MCPH1: variants seen among roughly 807,000 people sequenced by gnomAD.
MCPH1 encodes the protein microcephalin 1.
MCPH1 carries 104 observed loss-of-function variants against 84.5 expected under a neutral mutation model. That is an observed-to-expected ratio of 1.23 (90% CI 1.05 to 1.45). The LOEUF (loss-of-function observed/expected upper bound fraction) is 1.45, where lower values mean the gene tolerates loss of function less well. Ranked by LOEUF, MCPH1 falls within the 40% of genes most tolerant of loss-of-function variation. The probability of loss-of-function intolerance (pLI) is 0.00; values close to 1 mark genes in which losing one functional copy is unlikely to be tolerated. For missense variants in MCPH1, 1,498 were observed against 1,005.7 expected (o/e 1.49, Z -6.62); for synonymous variants, 514 against 366.8 (o/e 1.40, Z -4.58).
chr8:6,418,384 T>A (rs1342916270), intron 3 of MCPH1, among the ~76,000 whole-genome samples: 6 of 152,178 alleles, frequency 3.9e-5, no homozygotes, highest in Non-Finnish European at 8.8e-5. Flanking sequence ...AGCTCTCACA[T>A]AGTTGGTTTA....
At chr8:6,470,866 G>GT (rs1427228412) in intron 9 of MCPH1, among the ~76,000 whole-genome samples, 1 of 152,228 alleles carries the variant, frequency 6.6e-6, no homozygotes, top group African/African-American at 2.4e-5. Context: ...GAGAAAAGTA[G>GT]TGTTGCTGCT....
intron 9 of MCPH1, among the ~76,000 whole-genome samples, chr8:6,458,038 A>C (rs910713373): frequency 2.6e-5 from 4 of 152,212 alleles, no homozygotes; most frequent in African/African-American, 9.6e-5. Context: ...AATGCAAAGC[A>C]GAGTTTGGAA....
chr8:6,473,490 C>T (rs972585085), intron 9 of MCPH1, among the ~76,000 whole-genome samples: 3 of 151,956 alleles, frequency 2.0e-5, no homozygotes, highest in Non-Finnish European at 4.4e-5. Context: ...CACCACCATG[C>T]CCGGCTAATT....
chr8:6,626,582 A>G, intron 13 of MCPH1: 1 of 985,078 alleles, frequency 1.0e-6, no homozygotes, highest in Non-Finnish European at 1.2e-6. Flanking sequence ...AGGAAATAAA[A>G]TGTTACCTTT....
At chr8:6,600,319 C>G (rs1829257789) in intron 12 of MCPH1, among the ~76,000 whole-genome samples, 1 of 152,242 alleles carries the variant, frequency 6.6e-6, no homozygotes, top group African/African-American at 2.4e-5. Context: ...GGATGCCAGA[C>G]CTTCTCTAGC....
chr8:6,609,823 C>CCCCCCA (rs1554476355), intron 12 of MCPH1, among the ~76,000 whole-genome samples: 1 of 126,494 alleles, frequency 7.9e-6, no homozygotes, highest in African/African-American at 2.7e-5. Context: ...CCCCCCGCCC[C>CCCCCCA]CCCCCCACAC....
intron 12 of MCPH1, among the ~76,000 whole-genome samples, chr8:6,566,646 GC>G: frequency 6.6e-6 from 1 of 151,892 alleles, no homozygotes; most frequent in East Asian, 1.9e-4. Flanking sequence ...CATGGATAGT[GC>G]ATGTGGTGCG....
chr8:6,499,950 C>T lies in MCPH1; in HGVS notation c.2214+21C>T, dbSNP rs191315800. 44 of 1,600,344 alleles carry T rather than the reference C, an allele frequency of 2.7e-5. No individual in the cohort carries two copies. The East Asian group carries it at 8.3e-4, about 30-fold the overall frequency. On this transcript the variant is annotated intron_variant, in intron 12 of 13. Coordinates refer to ENST00000344683, the MANE Select transcript of MCPH1 (RefSeq NM_024596.5). ...CTCCCGTAAGTCAGATGTTGTTTTA[C>T]GATGGTAAATGCAGTTTGCTGTTCT...
intron 3 of MCPH1, among the ~76,000 whole-genome samples, chr8:6,426,492 A>T (rs557060400): frequency 6.6e-6 from 1 of 152,212 alleles, no homozygotes; most frequent in Non-Finnish European, 1.5e-5. Context: ...TGTTTTTGCG[A>T]TCTGTCCGTG....
chr8:6,424,494 C>G (rs750576219), intron 3 of MCPH1, among the ~76,000 whole-genome samples: 1 of 152,192 alleles, frequency 6.6e-6, no homozygotes, highest in Non-Finnish European at 1.5e-5. Context: ...TCCTATCCTA[C>G]CAGCAGCCAG....
At chr8:6,601,130 C>T (rs1829326780) in intron 12 of MCPH1, among the ~76,000 whole-genome samples, 2 of 152,134 alleles carry the variant, frequency 1.3e-5, no homozygotes, top group African/African-American at 2.4e-5. Flanking sequence ...GCAGCCACCA[C>T]CTGGAGACAG....
In MCPH1 at chr8:6,445,489, C is replaced by CTGTA; in HGVS notation, c.1768_1771dup (p.Asn591MetfsTer2). On this transcript the variant is annotated frameshift_variant, in exon 8 of 14. Transcript: ENST00000344683. LOFTEE classifies it high-confidence loss of function. Reference sequence around the variant, plus strand: ...AACATGAGCCATGTTTTATAGTTGACTGTAACATGGAGACGTCTACAGAAG... The same window carrying CTGTA: ...AACATGAGCCATGTTTTATAGTTGACTGTATGTAACATGGAGACGTCTACAGAAG... 1 of 1,613,890 alleles carries CTGTA rather than the reference C, an allele frequency of 6.2e-7. No individual in the cohort carries two copies. Among genetic ancestry groups the CTGTA allele is most frequent in the Non-Finnish European group, 8.5e-7 (1 of 1,180,010 alleles).
In MCPH1 at chr8:6,527,665, C is replaced by G. The variant is rs1228385194; in HGVS notation, c.2214+27736C>G. On this transcript the variant is annotated intron_variant, in intron 12 of 13. Coordinates refer to ENST00000344683, the MANE Select transcript of MCPH1 (RefSeq NM_024596.5). ...AGAGCTGAAGTTCAAGTCTCGTGGT[C>G]TGATTTAATACCTAAATGTAACAAA... is the stretch of plus-strand genomic sequence containing the variant. The G allele has an allele frequency of 3.1e-6, 5 of 1,613,416 alleles. No homozygotes were observed. In the African/African-American group the frequency reaches 5.3e-5, roughly 17 times the overall value.
At chr8:6,487,805 A>G (rs1045856240) in intron 11 of MCPH1, among the ~76,000 whole-genome samples, 6 of 152,180 alleles carry the variant, frequency 3.9e-5, no homozygotes, top group Non-Finnish European at 5.9e-5. Context: ...TACTTCACAG[A>G]GTGTTTTCAC....
At chr8:6,485,456 T>C (rs1367515585) in intron 11 of MCPH1, among the ~76,000 whole-genome samples, 2 of 152,172 alleles carry the variant, frequency 1.3e-5, no homozygotes, top group East Asian at 1.9e-4. Flanking sequence ...TACAGGCTCC[T>C]GTACCTTCAA....
intron 6 of MCPH1, among the ~76,000 whole-genome samples, chr8:6,441,676 C>G (rs1022447207): frequency 1.3e-5 from 2 of 152,270 alleles, no homozygotes; most frequent in Non-Finnish European, 1.5e-5. Context: ...GCATCCCTGC[C>G]TCTCCCCACT....
chr8:6,612,008 G>C (rs575111296), intron 12 of MCPH1, among the ~76,000 whole-genome samples: 4 of 152,304 alleles, frequency 2.6e-5, no homozygotes, highest in African/African-American at 7.2e-5. Context: ...GCGGGGGTGG[G>C]GCTGAAAGTT....
intron 12 of MCPH1, chr8:6,501,939 T>C (rs1174600446): frequency 6.6e-6 from 1 of 152,082 alleles, no homozygotes; most frequent in Non-Finnish European, 1.5e-5. Context: ...CTTTTTTTTT[T>C]TTCAGTTTGC....
intron 7 of MCPH1, among the ~76,000 whole-genome samples, chr8:6,443,682 G>A (rs566731194): frequency 8.5e-5 from 13 of 152,322 alleles, no homozygotes; most frequent in African/African-American, 2.4e-4. Flanking sequence ...GTAGCAGAGG[G>A]GGCAAGGCCA....
Sources: gnomAD v4.1 joint callset for allele counts (sites outside exome capture counted in the v4.1 genomes callset) on GRCh38, gnomAD v4.1.1 for gene constraint, MANE v1.5 for transcripts, NCBI Gene and HGNC (gene_info 2026-07-23, HGNC 2026-07-21) for gene names.